HMCN1: variants seen among roughly 807,000 people sequenced by gnomAD.
HMCN1 encodes the protein hemicentin 1, also known as hemicentin-1.
Under a neutral mutation model 625.9 loss-of-function variants are expected in HMCN1, and 321 were observed. The ratio of observed to expected loss-of-function variants is 0.51; its 90% confidence interval spans 0.47 to 0.56. The LOEUF (loss-of-function observed/expected upper bound fraction) is 0.56, where lower values mean the gene tolerates loss of function less well. Ranked by LOEUF, HMCN1 falls within the 20% of genes least tolerant of loss-of-function variation. The pLI, the probability that HMCN1 is intolerant of heterozygous loss-of-function variation, is 0.00. For missense variants in HMCN1, 6,588 were observed against 6,887.3 expected, an observed-to-expected ratio of 0.96 and a Z score of 1.54; for synonymous variants, 2,425 against 2,417.6, an observed-to-expected ratio of 1.00 and a Z score of -0.09.
chr1:186,086,866 A>T (rs967667046), intron 58 of HMCN1, among the ~76,000 whole-genome samples: 19 of 147,120 alleles, frequency 1.3e-4, no homozygotes, highest in South Asian at 2.2e-4. Flanking sequence ...ATAGATAGAT[A>T]GATTAGACAC....
At chr1:185,784,477 G>C (rs1380766745) in intron 1 of HMCN1, among the ~76,000 whole-genome samples, 8 of 152,140 alleles carry the variant, frequency 5.3e-5, no homozygotes, top group Admixed American at 4.6e-4. Flanking sequence ...AGCTGTTCCT[G>C]TTCGGCCATC....
At chr1:185,770,366 G>A (rs1656156965) in intron 1 of HMCN1, among the ~76,000 whole-genome samples, 1 of 152,084 alleles carries the variant, frequency 6.6e-6, no homozygotes, top group Admixed American at 6.6e-5. Context: ...ACCACAATTG[G>A]GTAGTTGCAA....
chr1:186,064,809 CAAA>C (rs541377417), intron 48 of HMCN1, among the ~76,000 whole-genome samples: 1 of 95,570 alleles, frequency 1.0e-5, no homozygotes. Context: ...GACTTCATCT[CAAA>C]AAAAAAAAAA....
chr1:185,949,004 G>A (rs1226972121), intron 11 of HMCN1, among the ~76,000 whole-genome samples: 3 of 151,768 alleles, frequency 2.0e-5, no homozygotes, highest in African/African-American at 7.3e-5. Flanking sequence ...GATGAATTGA[G>A]AAACTAAATG....
In HMCN1 at chr1:185,864,639, A is replaced by C. The variant is rs770974983; in HGVS notation, c.498+11A>C. 2.6e-5 allele frequency: 42 copies of C among 1,613,516 alleles called. No homozygotes were observed. In the Admixed American group the frequency reaches 7.0e-4, roughly 27 times the overall value. ...CAGAAACAGTCACAAGTGAGTAAGA[A>C]TCAACCCCAAACGTCTCTGTCTAAA... On this transcript the variant is annotated intron_variant, in intron 3 of 106. Transcript: ENST00000271588.
chr1:185,901,639 C>T (rs1665814195), intron 4 of HMCN1, among the ~76,000 whole-genome samples: 1 of 151,762 alleles, frequency 6.6e-6, no homozygotes, highest in Non-Finnish European at 1.5e-5. Context: ...AACAATGATC[C>T]AGTTATGCTT....
chr1:186,000,585 G>GTA (rs1553272417), intron 26 of HMCN1, among the ~76,000 whole-genome samples: 14 of 147,192 alleles, frequency 9.5e-5, no homozygotes, highest in Non-Finnish European at 1.3e-4. Flanking sequence ...GTGTGTGTGT[G>GTA]TGTGTGTATG....
In HMCN1 at chr1:186,055,483, G is replaced by T; in HGVS notation, c.6953G>T (p.Gly2318Val). 1 of 1,612,838 alleles carries T rather than the reference G, an allele frequency of 6.2e-7. No individual in the cohort carries two copies. Among genetic ancestry groups the T allele is most frequent in the South Asian group, 1.1e-5 (1 of 91,066 alleles). ...KSISLECEVQ[G>V]IPPPTVTWMK... is the part of the protein sequence containing the mutation. ...ATCTCCTTGGAGTGTGAGGTGCAGG[G>T]TATTCCACCACCAACAGTGACCTGG... Residue 2318 changes from glycine to valine, a missense_variant, in exon 45 of 107, where the codon GGT becomes GTT. Physicochemically the swap from Gly to Val is moderately radical, Grantham distance 109 (BLOSUM62 -3). Coordinates refer to ENST00000271588, the MANE Select transcript of HMCN1 (RefSeq NM_031935.3).
At chr1:186,164,141 C>T (rs1016754159) in intron 97 of HMCN1, among the ~76,000 whole-genome samples, 2 of 152,146 alleles carry the variant, frequency 1.3e-5, no homozygotes, top group Non-Finnish European at 2.9e-5. Flanking sequence ...CTAGTACCAC[C>T]CCCCTGCATG....
At chr1:185,972,628 G>A (rs1650911004) in intron 15 of HMCN1, among the ~76,000 whole-genome samples, 2 of 152,108 alleles carry the variant, frequency 1.3e-5, no homozygotes, top group Non-Finnish European at 2.9e-5. Flanking sequence ...GTTCACAATT[G>A]CCAAATAACT....
At position 185,760,638 on chromosome 1, in the gene HMCN1, A is replaced by G. The variant is rs1333382598; in HGVS notation, c.268+25591A>G. Among the ~76,000 whole-genome samples the G allele has an allele frequency of 3.3e-5, 5 of 152,174 alleles. No individual in the cohort carries two copies. In the South Asian group the frequency reaches 1.0e-3, roughly 31 times the overall value. ...ACGTCCTTTCCCTTATAGGGCATAC[A>G]GTGTGTGGAAGGTAATGTTAAGAAA... is the stretch of plus-strand genomic sequence containing the variant. On this transcript the variant is annotated intron_variant, in intron 1 of 106. Transcript: ENST00000271588.
chr1:186,073,849 C>T (rs1246893815), intron 52 of HMCN1, among the ~76,000 whole-genome samples: 1 of 151,332 alleles, frequency 6.6e-6, no homozygotes, highest in African/African-American at 2.4e-5. Flanking sequence ...TGATAGTCAC[C>T]AAATGAGAGC....
intron 42 of HMCN1, among the ~76,000 whole-genome samples, chr1:186,052,712 T>G (rs1385827951): frequency 6.6e-6 from 1 of 152,028 alleles, no homozygotes; most frequent in Admixed American, 6.6e-5. Flanking sequence ...TATAATAAAG[T>G]AGCTTCTTTT....
intron 100 of HMCN1, among the ~76,000 whole-genome samples, chr1:186,169,373 C>T (rs1233414307): frequency 3.3e-5 from 5 of 152,098 alleles, no homozygotes; most frequent in South Asian, 2.1e-4. Flanking sequence ...AAAAAGAGCC[C>T]GTATAGCCAA....
intron 11 of HMCN1, among the ~76,000 whole-genome samples, chr1:185,943,586 C>A (rs1281867202): frequency 6.6e-6 from 1 of 152,142 alleles, no homozygotes; most frequent in Non-Finnish European, 1.5e-5. Context: ...GGGAGGTGGG[C>A]AGCATGGAAC....
chr1:185,999,491 C>A (rs12143563), intron 25 of HMCN1, among the ~76,000 whole-genome samples: 14,967 of 151,758 alleles, frequency 0.099, 977 homozygotes, highest in Middle Eastern at 0.18. Flanking sequence ...AAGAATTGAG[C>A]TATTATCCTT....
In HMCN1 at chr1:186,000,732, A is replaced by C. The variant is rs149798357; in HGVS notation, c.4069+493A>C. ...CCTTCTCTGTCTCACTAAACAATCT[A>C]TCTTGGATTTTATTTAATGTTCCTA... is the stretch of plus-strand genomic sequence containing the variant. On this transcript the variant is annotated intron_variant, in intron 26 of 106. Coordinates refer to ENST00000271588, the MANE Select transcript of HMCN1 (RefSeq NM_031935.3). Among the ~76,000 whole-genome samples the C allele has an allele frequency of 2.6e-3, 399 of 152,120 alleles. 1 individual carries two copies. The highest frequency in any genetic ancestry group is 4.1e-3 in the Non-Finnish European group (277 of 67,972).
chr1:185,993,383 G>T, intron 23 of HMCN1, 74 bp downstream of exon 23: 2 of 1,560,588 alleles, frequency 1.3e-6, no homozygotes, highest in Non-Finnish European at 1.8e-6. Context: ...TAGTTTATTT[G>T]ATAGTTAATT....
Position 186,190,002 on chromosome 1 carries a change from GTT to G in HMCN1, c.*127_*128del. The G allele has an allele frequency of 9.3e-7, 1 of 1,071,822 alleles. No homozygotes were observed. The highest frequency in any genetic ancestry group is 1.3e-5 in the South Asian group (1 of 79,156). The allele number at this position is 1,071,822 out of a possible 1,614,324, so 66.4% of individuals were successfully genotyped here. ...CAGCTTGAAAATGGTGCTACACTCT[GTT>G]TTGTGTGCCTTCCTTGGTACTTCTG... On this transcript the variant is annotated 3_prime_UTR_variant, in exon 107 of 107. Transcript: ENST00000271588.
Sources: gnomAD v4.1 joint callset for allele counts (sites outside exome capture counted in the v4.1 genomes callset) on GRCh38, gnomAD v4.1.1 for gene constraint, MANE v1.5 for transcripts, NCBI Gene and HGNC (gene_info 2026-07-23, HGNC 2026-07-21) for gene names.